The following CHD4 variants were observed in gnomAD, a reference collection of about 807,000 sequenced individuals.
CHD4 encodes the protein chromodomain helicase DNA binding protein 4.
In CHD4, 35 loss-of-function variants were observed where a neutral mutation model predicts 235.5. The observed-to-expected ratio is 0.15, with a 90% confidence interval of 0.11 to 0.20. The LOEUF is 0.20. CHD4 is among the 10% of genes least tolerant of loss of function. The pLI is 1.00. For synonymous variants in CHD4, 900 were observed against 850.2 expected, an observed-to-expected ratio of 1.06 and a Z score of -1.02; for missense variants, 1,329 against 2,432.3, an observed-to-expected ratio of 0.55 and a Z score of 9.54.
At chr12:6,597,008 G>A (rs760683009) in intron 12 of CHD4, among the ~76,000 whole-genome samples, 1 of 151,176 alleles carries the variant, frequency 6.6e-6, no homozygotes, top group East Asian at 1.9e-4. Flanking sequence ...GGCGGCTCAC[G>A]CCTGTAATCC....
intron 35 of CHD4, 31 bp from the exon 36 acceptor site, chr12:6,578,168 G>C: frequency 1.9e-6 from 3 of 1,565,466 alleles, no homozygotes; most frequent in Non-Finnish European, 2.6e-6. Flanking sequence ...GGTTGGGGGT[G>C]GGGGGAAGCA....
At chr12:6,594,881 A>G (rs1174197841) in intron 14 of CHD4, among the ~76,000 whole-genome samples, 2 of 152,208 alleles carry the variant, frequency 1.3e-5, no homozygotes, top group African/African-American at 4.8e-5. Context: ...ACTGAGGAAA[A>G]GCACGTCACA....
intron 30 of CHD4, 123 bp downstream of exon 30, chr12:6,582,014 G>T (rs954520675): frequency 5.0e-6 from 6 of 1,204,794 alleles, no homozygotes; most frequent in Non-Finnish European, 4.5e-6. Context: ...TGTTGACCAG[G>T]CTAGTCTCTA....
At position 6,571,050 on chromosome 12, in the gene CHD4, G is replaced by A. The variant is rs1947958836; in HGVS notation, c.5558-18C>T. ...TTTCAGAACTGCATAGGGAGAAAAAGAGGTGGTGAGCTGTGGTGGCCCAGA... is the reference window on the plus strand; with the variant it reads ...TTTCAGAACTGCATAGGGAGAAAAAAAGGTGGTGAGCTGTGGTGGCCCAGA... On this transcript the variant is annotated intron_variant, in intron 38 of 39. Coordinates refer to ENST00000544040, the MANE Select transcript of CHD4 (RefSeq NM_001273.5). 1.2e-6 allele frequency: 2 copies of A among 1,612,650 alleles called. No homozygotes were observed. Among genetic ancestry groups the A allele is most frequent in the African/African-American group, 1.3e-5 (1 of 75,020 alleles).
At chr12:6,585,141 G>A (rs745567119) in intron 25 of CHD4, among the ~76,000 whole-genome samples, 1 of 152,108 alleles carries the variant, frequency 6.6e-6, no homozygotes, top group Non-Finnish European at 1.5e-5. Context: ...CAAGAAAAAG[G>A]AAATTTTATT....
Position 6,593,633 on chromosome 12 carries a change from G to C in CHD4, c.2314-17C>G, listed in dbSNP as rs746790932. ...GGAATGACCCTTTGAGAAAAAAGAG[G>C]AGAGTCAGGACTGAGGGCCCCAGCA... On this transcript the variant is annotated splice_polypyrimidine_tract_variant and intron_variant, in intron 15 of 39. Coordinates refer to ENST00000544040, the MANE Select transcript of CHD4 (RefSeq NM_001273.5). This position sits in a 1 kb window ranked among gnomAD's most constrained non-coding sequence, Gnocchi z 4.9. The C allele has an allele frequency of 1.9e-6, 3 of 1,613,006 alleles. No homozygotes were observed. The African/African-American group carries it at 4.0e-5, about 22-fold the overall frequency.
intron 2 of CHD4, among the ~76,000 whole-genome samples, chr12:6,604,230 G>A (rs555868049): frequency 2.0e-5 from 3 of 152,152 alleles, no homozygotes; most frequent in South Asian, 2.1e-4. Context: ...AGCCAAGATC[G>A]CACACTGCAC....
Position 6,604,471 on chromosome 12 carries a change from G to A in CHD4, c.100+1803C>T, listed in dbSNP as rs973829394. Among the ~76,000 whole-genome samples, 47 of 151,906 alleles carry A rather than the reference G, an allele frequency of 3.1e-4. 1 individual carries two copies. Among genetic ancestry groups the A allele is most frequent in the Admixed American group, 2.0e-3 (31 of 15,244 alleles). Reference sequence around the variant, plus strand: ...CCAGAATAAGACCAGGCACAAGAACGCCCCTCCCATTCCCCCTTGGGAATG... The same window carrying A: ...CCAGAATAAGACCAGGCACAAGAACACCCCTCCCATTCCCCCTTGGGAATG... On this transcript the variant is annotated intron_variant, in intron 2 of 39. Coordinates refer to ENST00000544040, the MANE Select transcript of CHD4 (RefSeq NM_001273.5).
At chr12:6,577,586 C>A in intron 37 of CHD4, 199 bp downstream of exon 37, 5 of 647,472 alleles carry the variant, frequency 7.7e-6, no homozygotes, top group Non-Finnish European at 1.0e-5. Flanking sequence ...CACATAGTCA[C>A]CTACAGCTCA....
At position 6,602,436 on chromosome 12, in the gene CHD4, C is replaced by G; in HGVS notation, c.162G>C (p.Lys54Asn). Residue 54 changes from lysine (K) to asparagine (N), a missense_variant, in exon 3 of 40, where the codon AAG (lysine) becomes AAC (asparagine). This residue lies in a region of CHD4 where 213 missense variants were observed against 177.5 expected (regional missense o/e 1.20). Coordinates refer to ENST00000544040, the MANE Select transcript of CHD4 (RefSeq NM_001273.5). ...GGTCCCGAGGTTTCTTAGGCTTTTT[C>G]TTCTTCTTGAGCTTTGGAGTCTCTG... ...SETETPKLKK[K>N]KKPKKPRDPK... The G allele has an allele frequency of 6.2e-7, 1 of 1,614,118 alleles. No individual in the cohort carries two copies. Among genetic ancestry groups the G allele is most frequent in the Non-Finnish European group, 8.5e-7 (1 of 1,180,022 alleles).
At chr12:6,603,813 C>A (rs1592285131) in intron 2 of CHD4, among the ~76,000 whole-genome samples, 1 of 152,108 alleles carries the variant, frequency 6.6e-6, no homozygotes, top group Non-Finnish European at 1.5e-5. Flanking sequence ...TTGTGGTCAG[C>A]GCATACAACC....
At chr12:6,596,219 G>C in intron 12 of CHD4, 82 bp from the exon 13 acceptor site, 1 of 1,553,748 alleles carries the variant, frequency 6.4e-7, no homozygotes, top group Non-Finnish European at 8.8e-7. Context: ...AATACCGTTT[G>C]TTTCACACCA....
Position 6,583,229 on chromosome 12 carries a change from G to A in CHD4, c.4029C>T (p.Val1343=). The change falls in exon 26 of 40, where the codon GTC becomes GTT. Residue 1343 remains valine, a synonymous_variant. Transcript: ENST00000544040. ...LGKGKRIRKQ[V]NYNDGSQEDR... ...CCTCCTGGGAGCCATCATTGTAGTT[G>A]ACCTGTTTACGGATTCTTTTTCCTT... is the stretch of plus-strand genomic sequence containing the variant. The A allele has an allele frequency of 6.2e-7, 1 of 1,614,186 alleles. No homozygotes were observed. Among genetic ancestry groups the A allele is most frequent in the Non-Finnish European group, 8.5e-7 (1 of 1,180,042 alleles).
At position 6,602,092 on chromosome 12, in the gene CHD4, G is replaced by A. The variant is rs1948605655; in HGVS notation, c.306C>T (p.Arg102=). Residue 102 remains arginine (R), a synonymous_variant, in exon 4 of 40, where the codon CGC becomes CGT. Transcript: ENST00000544040. ...FVEEEEEVAL[R]SDSEGSDYTP... ...TATAGTCGCTGCCCTCACTGTCTGAGCGCAGAGCCACCTCTTCCTCCTCCT... is the reference window on the plus strand; with the variant it reads ...TATAGTCGCTGCCCTCACTGTCTGAACGCAGAGCCACCTCTTCCTCCTCCT... 1.9e-6 allele frequency: 3 copies of A among 1,613,512 alleles called. No individual in the cohort carries two copies. The East Asian group carries it at 6.7e-5, about 36-fold the overall frequency.
intron 37 of CHD4, among the ~76,000 whole-genome samples, chr12:6,576,696 C>T (rs536847529): frequency 6.6e-6 from 1 of 152,104 alleles, no homozygotes; most frequent in Non-Finnish European, 1.5e-5. Context: ...ACCTCCGCCT[C>T]CCGGGTTCAA....
At chr12:6,592,337 ACT>A (rs1948415901) in intron 19 of CHD4, 54 bp downstream of exon 19, 1 of 1,525,992 alleles carries the variant, frequency 6.6e-7, no homozygotes, top group Non-Finnish European at 8.8e-7. Flanking sequence ...AATAGGAAAC[ACT>A]CTGCAGACTG....
chr12:6,577,084 G>C lies in CHD4; in HGVS notation c.5361+701C>G, dbSNP rs143164031. Among the ~76,000 whole-genome samples, 547 of 152,160 alleles carry C rather than the reference G, an allele frequency of 3.6e-3. 2 individuals carry two copies. The highest frequency in any genetic ancestry group is 0.013 in the African/African-American group (531 of 41,526). On this transcript the variant is annotated intron_variant, in intron 37 of 39. Transcript: ENST00000544040. ...CCCAAAGTGCTGGGATTACAGGCGTGAGCCACCGCACCTGGCCCACACAGG... is the reference window on the plus strand; with the variant it reads ...CCCAAAGTGCTGGGATTACAGGCGTCAGCCACCGCACCTGGCCCACACAGG...
chr12:6,578,721 G>A, intron 34 of CHD4, 125 bp downstream of exon 34: 1 of 1,346,056 alleles, frequency 7.4e-7, no homozygotes, highest in Non-Finnish European at 1.1e-6. Context: ...TGTGGGGACA[G>A]GTACAGTCTT....
At chr12:6,582,372 T>C (rs1202570841) in intron 29 of CHD4, 91 bp from the exon 30 acceptor site, 2 of 1,438,298 alleles carry the variant, frequency 1.4e-6, no homozygotes. Context: ...TCACAGGCAA[T>C]AACTATGGCT....
Sources: gnomAD v4.1 joint callset for allele counts (sites outside exome capture counted in the v4.1 genomes callset) on GRCh38, gnomAD v4.1.1 for gene constraint, gnomAD v4.1.1 regional missense constraint, Gnocchi (gnomAD v3.1) non-coding constraint, MANE v1.5 for transcripts, NCBI Gene and HGNC (gene_info 2026-07-23, HGNC 2026-07-21) for gene names.